Variants in HIPK2 observed in about 807,000 individuals in gnomAD.
HIPK2 encodes homeodomain-interacting protein kinase 2.
A neutral mutation model predicts 113.7 loss-of-function variants in HIPK2; 27 were observed. The ratio of observed to expected loss-of-function variants is 0.24; its 90% confidence interval spans 0.17 to 0.33. The LOEUF (loss-of-function observed/expected upper bound fraction) is 0.33, where lower values mean the gene tolerates loss of function less well. HIPK2 is among the 10% of genes least tolerant of loss of function. The pLI is 1.00. For synonymous variants in HIPK2, 631 were observed against 642.2 expected, an observed-to-expected ratio of 0.98 and a Z score of 0.26; for missense variants, 1,257 against 1,588.0, an observed-to-expected ratio of 0.79 and a Z score of 3.54.
chr7:139,758,654 G>A (rs556730418), intron 1 of HIPK2, among the ~76,000 whole-genome samples: 96 of 152,240 alleles, frequency 6.3e-4, no homozygotes, highest in African/African-American at 2.1e-3. Context: ...TGTGAACTGC[G>A]CATGCGAGGG....
intron 9 of HIPK2, 89 bp from the exon 10 acceptor site, chr7:139,604,312 G>C: frequency 1.3e-6 from 2 of 1,514,950 alleles, no homozygotes; most frequent in East Asian, 2.3e-5. Context: ...GCCTGGGGTT[G>C]TGCTAGACAT....
At chr7:139,768,451 T>C (rs1299265238) in intron 1 of HIPK2, among the ~76,000 whole-genome samples, 10 of 152,316 alleles carry the variant, frequency 6.6e-5, no homozygotes, top group African/African-American at 2.4e-4. Context: ...AATCAGTTTT[T>C]TTTTTAAAGC....
chr7:139,673,137 A>C (rs1802364555), intron 2 of HIPK2, among the ~76,000 whole-genome samples: 1 of 151,112 alleles, frequency 6.6e-6, no homozygotes, highest in Non-Finnish European at 1.5e-5. Context: ...ATGGGAGGGA[A>C]GATGGCCACT....
intron 2 of HIPK2, among the ~76,000 whole-genome samples, chr7:139,698,028 AG>A (rs1235535946): frequency 6.6e-6 from 1 of 151,930 alleles, no homozygotes; most frequent in East Asian, 1.9e-4. Context: ...ACGCCTGGCT[AG>A]TTTTTTGTAT....
intron 13 of HIPK2, among the ~76,000 whole-genome samples, chr7:139,581,403 T>A (rs568199015): frequency 1.3e-5 from 2 of 152,330 alleles, no homozygotes; most frequent in South Asian, 4.1e-4. Context: ...TGCCTGGGAC[T>A]TAGTTGTTGA....
chr7:139,662,137 T>C (rs557088593), intron 2 of HIPK2, among the ~76,000 whole-genome samples: 3 of 152,350 alleles, frequency 2.0e-5, no homozygotes, highest in East Asian at 1.9e-4. Context: ...ACATAGATTT[T>C]TGCAGCATCT....
At chr7:139,729,177 T>C (rs1795687004) in intron 1 of HIPK2, among the ~76,000 whole-genome samples, 1 of 151,904 alleles carries the variant, frequency 6.6e-6, no homozygotes, top group Non-Finnish European at 1.5e-5. Context: ...CAAAAAAAAT[T>C]AGCCAGGTGT....
chr7:139,729,372 A>AGAGAGAGAGAGAGAGG (rs1795697622), intron 1 of HIPK2, among the ~76,000 whole-genome samples: 1 of 131,788 alleles, frequency 7.6e-6, no homozygotes, highest in South Asian at 2.2e-4. Flanking sequence ...AGAGAGAGAG[A>AGAGAGAGAGAGAGAGG]GAGAGAGAGA....
chr7:139,573,431 G>T (rs1409332210), intron 14 of HIPK2, 34 bp from the exon 15 acceptor site: 8 of 1,588,958 alleles, frequency 5.0e-6, no homozygotes, highest in Non-Finnish European at 6.8e-6. Context: ...AGACGTCAGG[G>T]GCCGACACAT....
rs1800596993 is a variant in HIPK2 at position 139,631,095 on chromosome 7, C to T, written c.1347+70G>A. The T allele has an allele frequency of 1.6e-5, 25 of 1,529,934 alleles. No individual in the cohort carries two copies. Among genetic ancestry groups the T allele is most frequent in the Non-Finnish European group, 1.9e-5 (22 of 1,137,006 alleles). 94.8% of individuals were successfully genotyped at this position (1,529,934 alleles called of 1,614,324 possible). The stretch of plus-strand genomic sequence containing the variant: ...TGCTGACTGAATCAAAAGCTCCCCA[C>T]TAATGGGTCTACGGCCCTCTTCCCT... On this transcript the variant is annotated intron_variant, in intron 4 of 14. Transcript: ENST00000406875. The surrounding 1 kb of genome is among the most constrained non-coding windows in gnomAD (Gnocchi z 4.9).
At chr7:139,745,697 G>A (rs1331753346) in intron 1 of HIPK2, among the ~76,000 whole-genome samples, 1 of 152,094 alleles carries the variant, frequency 6.6e-6, no homozygotes, top group African/African-American at 2.4e-5. Context: ...TAAGCACCCT[G>A]GCTCACCTTC....
rs528501856 is a variant in HIPK2 at position 139,686,014 on chromosome 7, T to C, written c.1103+29918A>G. ...CATAGACAGTGAGTCCTCTGATGGATCTGGCCAAAGTAAATTGAAAGTCTT... is the reference window on the plus strand; with the variant it reads ...CATAGACAGTGAGTCCTCTGATGGACCTGGCCAAAGTAAATTGAAAGTCTT... On this transcript the variant is annotated intron_variant, in intron 2 of 14. Transcript: ENST00000406875. Among the ~76,000 whole-genome samples, 8 of 152,320 alleles carry C rather than the reference T, an allele frequency of 5.3e-5. No homozygotes were observed. The South Asian group carries it at 1.7e-3, about 32-fold the overall frequency.
chr7:139,749,072 T>G (rs978244640), intron 1 of HIPK2, among the ~76,000 whole-genome samples: 1 of 152,232 alleles, frequency 6.6e-6, no homozygotes, highest in Non-Finnish European at 1.5e-5. Flanking sequence ...ACAATTGTCA[T>G]GGTCACAAGT....
intron 2 of HIPK2, among the ~76,000 whole-genome samples, chr7:139,643,618 T>C (rs1377145419): frequency 6.6e-6 from 1 of 152,194 alleles, no homozygotes; most frequent in Non-Finnish European, 1.5e-5. Flanking sequence ...TTTGTGGTTA[T>C]GTGCTTGTGC....
At chr7:139,574,621 A>C (rs946673966) in intron 14 of HIPK2, among the ~76,000 whole-genome samples, 1 of 152,330 alleles carries the variant, frequency 6.6e-6, no homozygotes, top group South Asian at 2.1e-4. Flanking sequence ...CCCTTGACAC[A>C]GACAGCCCTG....
At chr7:139,615,820 G>A (rs1388747275) in intron 7 of HIPK2, among the ~76,000 whole-genome samples, 1 of 152,190 alleles carries the variant, frequency 6.6e-6, no homozygotes, top group Admixed American at 6.5e-5. Context: ...AAATTGATTT[G>A]TTTGAAAATA....
At chr7:139,625,351 C>T (rs1053810456) in intron 6 of HIPK2, among the ~76,000 whole-genome samples, 1 of 151,382 alleles carries the variant, frequency 6.6e-6, no homozygotes, top group Admixed American at 6.6e-5. Flanking sequence ...GTTGTTAAAC[C>T]GAATGGACAT....
At chr7:139,628,743 G>A (rs1278966615) in intron 5 of HIPK2, among the ~76,000 whole-genome samples, 1 of 152,136 alleles carries the variant, frequency 6.6e-6, no homozygotes, top group African/African-American at 2.4e-5. Flanking sequence ...CAACTGGAAC[G>A]ATTTTAAAGG....
chr7:139,610,087 CT>C (rs754024775), intron 9 of HIPK2, among the ~76,000 whole-genome samples: 1 of 152,186 alleles, frequency 6.6e-6, no homozygotes, highest in Non-Finnish European at 1.5e-5. Context: ...TAGGGACTCT[CT>C]TTCAAGGAAG....
Sources: allele counts gnomAD v4.1 joint callset (sites outside exome capture counted in the v4.1 genomes callset), GRCh38; gene constraint gnomAD v4.1.1; non-coding constraint Gnocchi (gnomAD v3.1); transcripts MANE v1.5; gene names NCBI Gene and HGNC (gene_info 2026-07-23, HGNC 2026-07-21).